Variants in CUBN observed in about 807,000 individuals in gnomAD.
CUBN encodes the protein 460 kDa receptor.
CUBN carries 282 observed loss-of-function variants against 405.3 expected under a neutral mutation model. That is an observed-to-expected ratio of 0.70 (90% confidence interval 0.63 to 0.77). CUBN has a LOEUF of 0.77. Among genes scored for constraint, CUBN ranks in the 30% least tolerant of loss-of-function variants. CUBN has a pLI of 0.00. For synonymous variants in CUBN, 1,684 were observed against 1,617.0 expected, an observed-to-expected ratio of 1.04 and a Z score of -0.99; for missense variants, 4,514 against 4,475.2, an observed-to-expected ratio of 1.01 and a Z score of -0.25.
intron 17 of CUBN, among the ~76,000 whole-genome samples, chr10:17,075,072 T>C (rs967305241): frequency 7.5e-6 from 1 of 133,738 alleles, no homozygotes; most frequent in Non-Finnish European, 1.6e-5. Context: ...TTCTTTGTTT[T>C]CTTTTTTTTT....
intron 22 of CUBN, among the ~76,000 whole-genome samples, chr10:17,052,602 A>G (rs1835294840): frequency 6.6e-6 from 1 of 151,532 alleles, no homozygotes; most frequent in South Asian, 2.1e-4. Flanking sequence ...ACTAAAAAAA[A>G]TACAAAAATT....
intron 28 of CUBN, among the ~76,000 whole-genome samples, chr10:16,993,996 G>A (rs527886806): frequency 1.2e-4 from 18 of 152,264 alleles, no homozygotes; most frequent in African/African-American, 4.3e-4. Context: ...ATGCAAAATA[G>A]GATAGATTAA....
chr10:16,900,812 A>T lies in CUBN; in HGVS notation c.8223T>A (p.Thr2741=). The change falls in exon 53 of 67, where the codon ACT becomes ACA. Residue 2741 remains threonine (T), a synonymous_variant. Transcript: ENST00000377833. ...TGACAGTGACAGAGTCCCAAGCACA[A>T]GTTGTATGGGGTTCAATATCAAAGT... The part of the protein sequence containing the change: ...FSDFDIEPHT[T]CAWDSVTVRN... 1 of 1,614,088 alleles carries T rather than the reference A, an allele frequency of 6.2e-7. No individual in the cohort carries two copies. Among genetic ancestry groups the T allele is most frequent in the Non-Finnish European group, 8.5e-7 (1 of 1,179,970 alleles).
In CUBN at chr10:16,840,949, A is replaced by T; in HGVS notation, c.9762T>A (p.Val3254=). The change falls in exon 61 of 67, where the codon GTT becomes GTA. Residue 3254 remains valine, a synonymous_variant. Coordinates refer to ENST00000377833, the MANE Select transcript of CUBN (RefSeq NM_001081.4). ...PFISSGNFLT[V]QFISDLTLER... ...CTAATGTTAAGTCACTGATGAATTGAACCGTAAGGAAGTTACCAGAAGAGA... is the reference window on the plus strand; with the variant it reads ...CTAATGTTAAGTCACTGATGAATTGTACCGTAAGGAAGTTACCAGAAGAGA... 6.2e-7 allele frequency: 1 copy of T among 1,613,840 alleles called. No individual in the cohort carries two copies. Among genetic ancestry groups the T allele is most frequent in the Non-Finnish European group, 8.5e-7 (1 of 1,179,806 alleles).
Position 17,039,170 on chromosome 10 carries a change from G to T in CUBN, c.4017+1863C>A, listed in dbSNP as rs534852934. On this transcript the variant is annotated intron_variant, in intron 27 of 66. Transcript: ENST00000377833. ...TCTCCATTACGCTTTACCAAATCAC[G>T]ATTATGGTGCCCAGCACACTGTTAT... Among the ~76,000 whole-genome samples the T allele has an allele frequency of 1.1e-4, 16 of 152,168 alleles. No homozygotes were observed. In the South Asian group the frequency reaches 3.3e-3, roughly 32 times the overall value.
In CUBN at chr10:17,084,479, A is replaced by G; in HGVS notation, c.2111-18T>C. ...CAGATCCGCTAAGAACAGGGAAGAG[A>G]CGAACAGGTCATGGCAATGGCATTG... On this transcript the variant is annotated intron_variant, in intron 16 of 66. Transcript: ENST00000377833. 2 of 1,609,874 alleles carry G rather than the reference A, an allele frequency of 1.2e-6. No individual in the cohort carries two copies.
chr10:16,993,330 T>C (rs138581803), intron 28 of CUBN, among the ~76,000 whole-genome samples: 2 of 152,368 alleles, frequency 1.3e-5, no homozygotes, highest in East Asian at 3.9e-4. Context: ...TCAATTTTTT[T>C]ATCTTAGTTG....
intron 39 of CUBN, among the ~76,000 whole-genome samples, chr10:16,936,592 G>A (rs1385068096): frequency 2.6e-5 from 4 of 152,158 alleles, no homozygotes; most frequent in Admixed American, 1.3e-4. Flanking sequence ...ATGAGATACC[G>A]TGATTCTGTG....
At chr10:16,841,470 G>A (rs1839346909) in intron 60 of CUBN, among the ~76,000 whole-genome samples, 2 of 152,092 alleles carry the variant, frequency 1.3e-5, no homozygotes, top group African/African-American at 2.4e-5. Context: ...CTGTTAAAAT[G>A]TAAGTCACAC....
rs200197243 is a variant in CUBN at position 16,913,944 on chromosome 10, T to G, written c.7400A>C (p.Asn2467Thr). The change falls in exon 48 of 67, where the codon AAC (asparagine) becomes ACC (threonine). Residue 2467 changes from asparagine to threonine, a missense_variant. Transcript: ENST00000377833. Reference protein sequence around the residue: ...QGSIGTFTSPNYPNPNPHGRI... With the variant: ...QGSIGTFTSPTYPNPNPHGRI... ...GCCATGAGGATTTGGGTTCGGGTAG[T>G]TGGGAGAAGTAAATGTTCCAATAGA... 5 of 1,613,916 alleles carry G rather than the reference T, an allele frequency of 3.1e-6. No individual in the cohort carries two copies. The highest frequency in any genetic ancestry group is 1.1e-5 in the South Asian group (1 of 91,070).
At chr10:16,839,794 T>C (rs527752060) in intron 62 of CUBN, among the ~76,000 whole-genome samples, 2 of 151,832 alleles carry the variant, frequency 1.3e-5, no homozygotes, top group East Asian at 3.9e-4. Flanking sequence ...CTATTCACAA[T>C]AGCAAAGACT....
intron 22 of CUBN, among the ~76,000 whole-genome samples, chr10:17,050,689 C>A (rs1443403254): frequency 6.6e-6 from 1 of 152,090 alleles, no homozygotes; most frequent in Non-Finnish European, 1.5e-5. Context: ...ACACCTCAGG[C>A]ATTCAAATGA....
At chr10:17,054,111 T>C (rs535788049) in intron 22 of CUBN, among the ~76,000 whole-genome samples, 2 of 152,052 alleles carry the variant, frequency 1.3e-5, no homozygotes, top group African/African-American at 4.8e-5. Flanking sequence ...GGTGGGCAGA[T>C]TACGTGGTCA....
rs562900289 is a variant in CUBN at position 16,881,997 on chromosome 10, T to A, written c.8906-4900A>T. Among the ~76,000 whole-genome samples, 131 of 152,310 alleles carry A rather than the reference T, an allele frequency of 8.6e-4. 1 individual carries two copies. Among genetic ancestry groups the A allele is most frequent in the African/African-American group, 3.0e-3 (125 of 41,554 alleles). ...AATAATTATATTAAACACTTTCTCA[T>A]CATTATTGGAAGAGCCAATTGTATG... On this transcript the variant is annotated intron_variant, in intron 56 of 66. Transcript: ENST00000377833.
chr10:17,102,253 CTATTTATTTATT>C (rs58806014), intron 13 of CUBN, among the ~76,000 whole-genome samples: 29,443 of 143,890 alleles, frequency 0.2, 4,014 homozygotes, highest in Middle Eastern at 0.35. Flanking sequence ...GAGGATCCTC[CTATTTATTTATT>C]TATTTATTTA....
intron 6 of CUBN, among the ~76,000 whole-genome samples, chr10:17,119,061 TAGAGTC>T (rs1836971496): frequency 2.0e-5 from 3 of 152,226 alleles, no homozygotes; most frequent in Admixed American, 2.0e-4. Context: ...TAACTTGTGT[TAGAGTC>T]CATGGTTCAA....
At chr10:16,883,925 T>C (rs1840734336) in intron 56 of CUBN, among the ~76,000 whole-genome samples, 2 of 152,238 alleles carry the variant, frequency 1.3e-5, no homozygotes, top group Non-Finnish European at 1.5e-5. Flanking sequence ...TTCCTCATTA[T>C]CACCAAGGTG....
chr10:16,874,830 G>A (rs1840454124), intron 57 of CUBN, among the ~76,000 whole-genome samples: 1 of 152,076 alleles, frequency 6.6e-6, no homozygotes, highest in African/African-American at 2.4e-5. Flanking sequence ...GTATTTCATT[G>A]ACAGGTTGAG....
intron 58 of CUBN, among the ~76,000 whole-genome samples, chr10:16,871,208 A>G (rs1186678561): frequency 1.3e-5 from 2 of 151,070 alleles, no homozygotes; most frequent in Admixed American, 6.6e-5. Flanking sequence ...TTTTAATTAC[A>G]TGTATATTTT....
Sources: gnomAD v4.1 joint callset for allele counts (sites outside exome capture counted in the v4.1 genomes callset) on GRCh38, gnomAD v4.1.1 for gene constraint, MANE v1.5 for transcripts, NCBI Gene and HGNC (gene_info 2026-07-23, HGNC 2026-07-21) for gene names.